Variants in CSMD1 observed in about 807,000 individuals in gnomAD.
CSMD1 encodes the protein CUB and Sushi multiple domains 1.
A neutral mutation model predicts 417.5 loss-of-function variants in CSMD1; 213 were observed. That is an observed-to-expected ratio of 0.51 (90% CI 0.46 to 0.57). The LOEUF (loss-of-function observed/expected upper bound fraction) is 0.57, where lower values mean the gene tolerates loss of function less well. Ranked by LOEUF, CSMD1 falls within the 20% of genes least tolerant of loss-of-function variation. CSMD1 has a pLI of 0.00. For missense variants in CSMD1, 6,923 were observed against 4,529.7 expected (o/e 1.53, Z -15.17); for synonymous variants, 2,862 against 1,736.8 (o/e 1.65, Z -16.11).
At chr8:3,003,514 G>A (rs921862120) in intron 52 of CSMD1, among the ~76,000 whole-genome samples, 1 of 152,108 alleles carries the variant, frequency 6.6e-6, no homozygotes, top group Admixed American at 6.6e-5. Flanking sequence ...CTCACCACTG[G>A]GCAGTCATGT....
At chr8:4,069,945 TTC>T (rs1244738543) in intron 3 of CSMD1, among the ~76,000 whole-genome samples, 1 of 152,208 alleles carries the variant, frequency 6.6e-6, no homozygotes, top group Admixed American at 6.5e-5. Context: ...GTATTATTTT[TTC>T]TGTTTGTCTT....
intron 1 of CSMD1, among the ~76,000 whole-genome samples, chr8:4,774,928 T>A (rs1236634322): frequency 6.6e-6 from 1 of 152,194 alleles, no homozygotes; most frequent in East Asian, 1.9e-4. Context: ...AGCATGATGT[T>A]CTCTGTACAG....
intron 18 of CSMD1, among the ~76,000 whole-genome samples, chr8:3,387,063 A>T (rs1440602727): frequency 2.0e-5 from 3 of 152,208 alleles, no homozygotes; most frequent in Non-Finnish European, 4.4e-5. Context: ...AACTCCCAGG[A>T]GAAGGCTCTG....
At chr8:3,467,973 A>C (rs572278567) in intron 12 of CSMD1, among the ~76,000 whole-genome samples, 1 of 152,242 alleles carries the variant, frequency 6.6e-6, no homozygotes, top group Non-Finnish European at 1.5e-5. Context: ...TCTCATTTTT[A>C]CCTAAACACA....
intron 2 of CSMD1, among the ~76,000 whole-genome samples, chr8:4,466,135 G>T (rs556561817): frequency 1.3e-5 from 2 of 152,172 alleles, no homozygotes; most frequent in African/African-American, 4.8e-5. Flanking sequence ...GTTTTATAAA[G>T]AATGAAATAT....
chr8:3,891,823 C>G (rs1253154089), intron 5 of CSMD1, among the ~76,000 whole-genome samples: 7 of 152,144 alleles, frequency 4.6e-5, no homozygotes, highest in Non-Finnish European at 1.0e-4. Context: ...AAGCCTAATT[C>G]TCTCATCTGT....
intron 3 of CSMD1, among the ~76,000 whole-genome samples, chr8:4,291,379 C>G (rs897674875): frequency 1.3e-5 from 2 of 152,048 alleles, no homozygotes; most frequent in South Asian, 2.1e-4. Context: ...CAAATTTATA[C>G]TTACAACCAT....
intron 1 of CSMD1, among the ~76,000 whole-genome samples, chr8:4,823,550 C>G (rs541145060): frequency 7.2e-5 from 11 of 152,156 alleles, no homozygotes; most frequent in South Asian, 2.1e-4. Flanking sequence ...TTAGTCCAAG[C>G]CCTCGTAGTA....
Position 3,459,351 on chromosome 8 carries a change from G to A in CSMD1, c.1561+9361C>T, listed in dbSNP as rs369665348. Among the ~76,000 whole-genome samples the A allele has an allele frequency of 6.6e-4, 101 of 152,242 alleles. No homozygotes were observed. The South Asian group carries it at 0.017, about 26-fold the overall frequency. On this transcript the variant is annotated intron_variant, in intron 12 of 69. Coordinates refer to ENST00000635120, the MANE Select transcript of CSMD1 (RefSeq NM_033225.6). Reference sequence around the variant, plus strand: ...TGGGGCACAGGGTACACAACACAGCGGCCGTAATATGACGGGAATCGCACG... The same window carrying A: ...TGGGGCACAGGGTACACAACACAGCAGCCGTAATATGACGGGAATCGCACG...
chr8:3,338,528 T>G (rs1585020990), intron 23 of CSMD1, among the ~76,000 whole-genome samples: 1 of 152,290 alleles, frequency 6.6e-6, no homozygotes, highest in African/African-American at 2.4e-5. Flanking sequence ...TGGGGCAGGA[T>G]GAAGAGAAAG....
intron 5 of CSMD1, among the ~76,000 whole-genome samples, chr8:3,757,056 G>C (rs572806626): frequency 1.3e-5 from 2 of 152,216 alleles, no homozygotes; most frequent in Non-Finnish European, 2.9e-5. Flanking sequence ...TCTCACCTTT[G>C]CCTCTCAGAG....
chr8:4,210,030 T>C (rs1422298044), intron 3 of CSMD1, among the ~76,000 whole-genome samples: 1 of 152,212 alleles, frequency 6.6e-6, no homozygotes, highest in Non-Finnish European at 1.5e-5. Flanking sequence ...GTTCTCTATT[T>C]GGTCCAGTGT....
At chr8:3,351,733 T>C (rs561458009) in intron 21 of CSMD1, among the ~76,000 whole-genome samples, 145 of 145,342 alleles carry the variant, frequency 1.0e-3, no homozygotes, top group Non-Finnish European at 1.9e-3. Context: ...AAATATATAT[T>C]TAATATGTAT....
At chr8:4,952,365 G>A (rs1339117117) in intron 1 of CSMD1, among the ~76,000 whole-genome samples, 7 of 145,126 alleles carry the variant, frequency 4.8e-5, no homozygotes, top group South Asian at 2.2e-4. Flanking sequence ...TAATGTATGC[G>A]TTGATTCAAA....
intron 23 of CSMD1, among the ~76,000 whole-genome samples, chr8:3,335,372 C>T (rs1807188209): frequency 6.6e-6 from 1 of 152,146 alleles, no homozygotes; most frequent in African/African-American, 2.4e-5. Context: ...AATGGTCTCA[C>T]ATTTCATATA....
At chr8:3,367,659 AAAAT>A (rs1340639767) in intron 19 of CSMD1, among the ~76,000 whole-genome samples, 1 of 152,256 alleles carries the variant, frequency 6.6e-6, no homozygotes, top group Admixed American at 6.5e-5. Context: ...ATAAACAACA[AAAAT>A]AAATACTTAA....
chr8:3,410,307 C>G (rs1287485883), intron 12 of CSMD1, among the ~76,000 whole-genome samples: 1 of 152,086 alleles, frequency 6.6e-6, no homozygotes, highest in Non-Finnish European at 1.5e-5. Context: ...AGGTCCTGTT[C>G]TAGGTAAGGG....
intron 64 of CSMD1, among the ~76,000 whole-genome samples, chr8:2,954,874 T>C (rs1006279198): frequency 1.1e-4 from 16 of 152,232 alleles, no homozygotes; most frequent in Non-Finnish European, 2.9e-5. Flanking sequence ...ATCCCTAATA[T>C]GAGAACTATA....
chr8:3,866,637 G>C (rs1399310769), intron 5 of CSMD1, among the ~76,000 whole-genome samples: 5 of 151,590 alleles, frequency 3.3e-5, no homozygotes, highest in Non-Finnish European at 1.5e-5. Flanking sequence ...TCACTATTTG[G>C]AATGTGATTC....
Sources: gnomAD v4.1 joint callset for allele counts (sites outside exome capture counted in the v4.1 genomes callset) on GRCh38, gnomAD v4.1.1 for gene constraint, MANE v1.5 for transcripts, NCBI Gene and HGNC (gene_info 2026-07-23, HGNC 2026-07-21) for gene names.